LYN: variants seen among roughly 807,000 people sequenced by gnomAD.
The protein encoded by LYN is LYN proto-oncogene, Src family tyrosine kinase.
A neutral mutation model predicts 65.0 loss-of-function variants in LYN; 12 were observed. That is an observed-to-expected ratio of 0.18 (90% confidence interval 0.12 to 0.30). LYN has a LOEUF of 0.30. Ranked by LOEUF, LYN falls within the 10% of genes least tolerant of loss-of-function variation. The pLI is 1.00. For missense variants in LYN, 380 were observed against 623.2 expected, an observed-to-expected ratio of 0.61 and a Z score of 4.16; for synonymous variants, 222 against 221.2, an observed-to-expected ratio of 1.00 and a Z score of -0.03.
In LYN at chr8:55,911,265, A is replaced by G. The variant is rs868181481; in HGVS notation, c.-5-30590A>G. ...TATATACGTGTGTGTGTGTATATAT[A>G]TATATATATATATATATATATTTTT... On this transcript the variant is annotated intron_variant, in intron 1 of 12. Transcript: ENST00000519728. Among the ~76,000 whole-genome samples, 91 of 33,334 alleles carry G rather than the reference A, an allele frequency of 2.7e-3. 11 individuals carry two copies. The highest frequency in any genetic ancestry group is 8.3e-3 in the African/African-American group (85 of 10,200). 21.9% of individuals were successfully genotyped at this position (33,334 alleles called of 152,430 possible). A position where few individuals can be genotyped will look rare whatever the true frequency, so the allele number is the denominator to read the frequency against.
chr8:55,909,023 ACACACACACACACAC>A, intron 1 of LYN, among the ~76,000 whole-genome samples: 1 of 45,776 alleles, frequency 2.2e-5, no homozygotes, highest in Non-Finnish European at 4.3e-5. Context: ...ACACACACAC[ACACACACACACACAC>A]ACACACACAC....
At chr8:55,936,663 A>T (rs1806446122) in intron 1 of LYN, among the ~76,000 whole-genome samples, 1 of 152,222 alleles carries the variant, frequency 6.6e-6, no homozygotes, top group African/African-American at 2.4e-5. Flanking sequence ...ACAAAAAAGA[A>T]GTGCAGCTTT....
At chr8:55,997,870 G>T (rs1166447304) in intron 10 of LYN, among the ~76,000 whole-genome samples, 1 of 152,186 alleles carries the variant, frequency 6.6e-6, no homozygotes, top group South Asian at 2.1e-4. Context: ...GGATCACGAG[G>T]TCAGGAGATC....
intron 2 of LYN, among the ~76,000 whole-genome samples, chr8:55,942,524 C>T (rs977439510): frequency 6.6e-6 from 1 of 150,760 alleles, no homozygotes; most frequent in Admixed American, 6.6e-5. Flanking sequence ...CGGTGGCTCA[C>T]GCTTGTAATC....
In LYN at chr8:55,966,799, A is replaced by G; in HGVS notation, c.875A>G (p.Asn292Ser). 4 of 1,614,084 alleles carry G rather than the reference A, an allele frequency of 2.5e-6. No individual in the cohort carries two copies. Among genetic ancestry groups the G allele is most frequent in the Non-Finnish European group, 3.4e-6 (4 of 1,179,988 alleles). The change falls in exon 9 of 13, where the codon AAC (asparagine) becomes AGC (serine). Residue 292 changes from asparagine to serine, a missense_variant. Coordinates refer to ENST00000519728, the MANE Select transcript of LYN (RefSeq NM_002350.4). The part of the protein sequence containing the change: ...MSVQAFLEEA[N>S]LMKTLQHDKL... ...GTGCAAGCCTTCCTGGAAGAAGCCA[A>G]CCTCATGAAGACCCTGCAGCATGAC...
intron 1 of LYN, among the ~76,000 whole-genome samples, chr8:55,902,051 A>G (rs1164358419): frequency 6.6e-6 from 1 of 151,690 alleles, no homozygotes; most frequent in Non-Finnish European, 1.5e-5. Context: ...CTTATTGCCC[A>G]GACTGGACTG....
intron 1 of LYN, among the ~76,000 whole-genome samples, chr8:55,889,986 A>C (rs1317343298): frequency 1.3e-5 from 2 of 152,008 alleles, no homozygotes; most frequent in South Asian, 4.2e-4. Context: ...TATCAAAAGC[A>C]AGTTGCTTAG....
chr8:55,959,830 G>T (rs1224126049), intron 8 of LYN, among the ~76,000 whole-genome samples: 1 of 151,738 alleles, frequency 6.6e-6, no homozygotes, highest in Non-Finnish European at 1.5e-5. Context: ...AAAAAAAAAT[G>T]ACCTGGCATA....
rs1175747153 is a variant in LYN at position 56,011,643 on chromosome 8, T to G, written c.*1533T>G. ...GGCATCATTAAAATTTCATTCTGTG[T>G]GTTTTGTTTAGGCTTGAGGTGCTTA... is the stretch of plus-strand genomic sequence containing the variant. On this transcript the variant is annotated 3_prime_UTR_variant, in exon 13 of 13. Coordinates refer to ENST00000519728, the MANE Select transcript of LYN (RefSeq NM_002350.4). 5.1e-6 allele frequency: 1 copy of G among 194,196 alleles called. No individual in the cohort carries two copies. Among genetic ancestry groups the G allele is most frequent in the Non-Finnish European group, 1.1e-5 (1 of 93,400 alleles). The allele number at this position is 194,196 out of a possible 1,614,324, so 12.0% of individuals were successfully genotyped here. A position where few individuals can be genotyped will look rare whatever the true frequency, so the allele number is the denominator to read the frequency against.
chr8:55,945,914 A>C (rs1806762649), intron 2 of LYN, among the ~76,000 whole-genome samples: 1 of 152,106 alleles, frequency 6.6e-6, no homozygotes, highest in South Asian at 2.1e-4. Context: ...AACTCCACGA[A>C]ATCACCAGGG....
At chr8:55,979,083 T>C (rs542268003) in intron 10 of LYN, among the ~76,000 whole-genome samples, 38 of 151,128 alleles carry the variant, frequency 2.5e-4, no homozygotes, top group African/African-American at 9.2e-4. Context: ...AGATGGAGTT[T>C]TGCTCTTGTC....
chr8:55,956,800 A>G (rs900447182), intron 8 of LYN, among the ~76,000 whole-genome samples: 2 of 152,194 alleles, frequency 1.3e-5, no homozygotes. Flanking sequence ...TATTGGCAGG[A>G]AAACCAGGAT....
intron 1 of LYN, among the ~76,000 whole-genome samples, chr8:55,933,886 A>AC (rs113437785): frequency 0.26 from 39,294 of 152,144 alleles, 6,627 homozygotes; most frequent in African/African-American, 0.48. Context: ...TAACTAGATG[A>AC]CCCTGGGTCT....
At chr8:55,925,784 C>T (rs1806091030) in intron 1 of LYN, among the ~76,000 whole-genome samples, 1 of 152,162 alleles carries the variant, frequency 6.6e-6, no homozygotes, top group African/African-American at 2.4e-5. Flanking sequence ...AAGTGTCTTG[C>T]TGTGTTTGAT....
intron 12 of LYN, among the ~76,000 whole-genome samples, chr8:56,008,328 C>A (rs903350558): frequency 6.6e-6 from 1 of 152,050 alleles, no homozygotes; most frequent in African/African-American, 2.4e-5. Context: ...TAGAATCCTT[C>A]CAGTGACCAG....
At chr8:55,897,766 A>G (rs1489828988) in intron 1 of LYN, among the ~76,000 whole-genome samples, 1 of 152,088 alleles carries the variant, frequency 6.6e-6, no homozygotes, top group African/African-American at 2.4e-5. Context: ...TAAAAAAATT[A>G]GCCAAGAGTG....
Position 55,879,996 on chromosome 8 carries a change from C to A in LYN, c.-113C>A. On this transcript the variant is annotated 5_prime_UTR_variant, in exon 1 of 13. Coordinates refer to ENST00000519728, the MANE Select transcript of LYN (RefSeq NM_002350.4). The stretch of plus-strand genomic sequence containing the variant: ...TCGCCGCGCGTCCAGCGTTCCCGGC[C>A]AGCAGCCTCCCCATACGCAGGTCCT... 3.5e-6 allele frequency: 1 copy of A among 285,668 alleles called. No homozygotes were observed. The highest frequency in any genetic ancestry group is 7.3e-6 in the Non-Finnish European group (1 of 137,882). The allele number at this position is 285,668 out of a possible 1,614,324, so 17.7% of individuals were successfully genotyped here.
At chr8:55,997,726 A>G (rs1253767854) in intron 10 of LYN, among the ~76,000 whole-genome samples, 3 of 152,222 alleles carry the variant, frequency 2.0e-5, no homozygotes, top group African/African-American at 7.2e-5. Context: ...CTGGCATAAT[A>G]ACATCTATGT....
intron 1 of LYN, among the ~76,000 whole-genome samples, 192 bp from the exon 2 acceptor site, chr8:55,941,662 CA>C (rs1806617216): frequency 1.3e-5 from 2 of 152,122 alleles, no homozygotes. Flanking sequence ...AATTAATGCT[CA>C]ATAAATATTT....
Sources: allele counts gnomAD v4.1 joint callset (sites outside exome capture counted in the v4.1 genomes callset), GRCh38; gene constraint gnomAD v4.1.1; transcripts MANE v1.5; gene names NCBI Gene and HGNC (gene_info 2026-07-23, HGNC 2026-07-21).